The following RGS6 variants were observed in gnomAD, a reference collection of about 807,000 sequenced individuals.
RGS6 encodes the protein regulator of G-protein signaling 6.
In RGS6, 30 loss-of-function variants were observed where a neutral mutation model predicts 78.5. The observed-to-expected ratio is 0.38, with a 90% confidence interval of 0.29 to 0.52. RGS6 has a LOEUF of 0.52. Among genes scored for constraint, RGS6 ranks in the 20% least tolerant of loss-of-function variants. The pLI is 0.85. For missense variants in RGS6, 495 were observed against 609.7 expected (o/e 0.81, Z 1.98); for synonymous variants, 206 against 206.0 (o/e 1.00, Z 0.00).
intron 13 of RGS6, among the ~76,000 whole-genome samples, chr14:72,504,487 C>T (rs1421782636): frequency 6.6e-6 from 1 of 152,188 alleles, no homozygotes; most frequent in Admixed American, 6.5e-5. Flanking sequence ...CACTTTATAA[C>T]AAGGATCAAC....
intron 2 of RGS6, among the ~76,000 whole-genome samples, chr14:72,341,222 C>T (rs1405348615): frequency 1.3e-5 from 2 of 152,106 alleles, no homozygotes; most frequent in Non-Finnish European, 2.9e-5. Flanking sequence ...AGGACGAAGT[C>T]ATGTCTTACA....
chr14:72,178,440 G>A (rs1304795580), intron 2 of RGS6, among the ~76,000 whole-genome samples: 1 of 152,198 alleles, frequency 6.6e-6, no homozygotes, highest in East Asian at 1.9e-4. Flanking sequence ...GACGTTCTAG[G>A]CCTCCTTGAG....
intron 1 of RGS6, among the ~76,000 whole-genome samples, chr14:71,955,879 C>T (rs182662115): frequency 2.3e-4 from 35 of 152,224 alleles, no homozygotes; most frequent in Admixed American, 1.4e-3. Flanking sequence ...GTTCAAATTC[C>T]TCTGACAGAA....
intron 2 of RGS6, among the ~76,000 whole-genome samples, chr14:72,126,457 G>A (rs1467217161): frequency 6.6e-6 from 1 of 152,242 alleles, no homozygotes; most frequent in African/African-American, 2.4e-5. Flanking sequence ...GCTGTTTCCA[G>A]CATAGATGTC....
chr14:72,533,807 A>G (rs1479435448), intron 15 of RGS6, among the ~76,000 whole-genome samples: 1 of 152,384 alleles, frequency 6.6e-6, no homozygotes, highest in South Asian at 2.1e-4. Context: ...CTACAACTTC[A>G]TAATAAAACT....
At chr14:72,406,215 C>G (rs890710681) in intron 3 of RGS6, among the ~76,000 whole-genome samples, 2 of 152,076 alleles carry the variant, frequency 1.3e-5, no homozygotes, top group African/African-American at 4.8e-5. Context: ...TGAAACCCAT[C>G]TCTACTAAAA....
intron 2 of RGS6, among the ~76,000 whole-genome samples, chr14:72,158,547 T>C (rs951830387): frequency 6.6e-6 from 1 of 152,122 alleles, no homozygotes; most frequent in Non-Finnish European, 1.5e-5. Flanking sequence ...TTAAGGGGTA[T>C]TTCAAGACCC....
At chr14:72,569,454 C>T (rs907979038), downstream of RGS6, among the ~76,000 whole-genome samples, 1 of 152,016 alleles carries the variant, frequency 6.6e-6, no homozygotes, top group African/African-American at 2.4e-5. Flanking sequence ...CCGAGGTGGG[C>T]GGGTCACCTG....
At chr14:72,258,835 G>A (rs986715525) in intron 2 of RGS6, among the ~76,000 whole-genome samples, 4 of 152,174 alleles carry the variant, frequency 2.6e-5, no homozygotes, top group Admixed American at 1.3e-4. Context: ...GGATAAAAGC[G>A]GGGAAAGGGT....
At chr14:72,544,955 C>T (rs560892967) in intron 17 of RGS6, among the ~76,000 whole-genome samples, 7 of 152,212 alleles carry the variant, frequency 4.6e-5, no homozygotes, top group Non-Finnish European at 8.8e-5. Flanking sequence ...GTCAGCCAAC[C>T]GGCAGAAGCA....
intron 2 of RGS6, among the ~76,000 whole-genome samples, chr14:71,970,805 A>G (rs2093756356): frequency 6.6e-6 from 1 of 152,172 alleles, no homozygotes; most frequent in Non-Finnish European, 1.5e-5. Flanking sequence ...CAGTGTTGGT[A>G]GAAGCAACTG....
intron 2 of RGS6, among the ~76,000 whole-genome samples, chr14:72,254,365 T>G (rs1179399823): frequency 6.6e-6 from 1 of 152,202 alleles, no homozygotes; most frequent in African/African-American, 2.4e-5. Flanking sequence ...CCAGCCTGTC[T>G]GCAGCACTGT....
chr14:71,942,086 CAAAAG>C (rs1403332530), intron 1 of RGS6, among the ~76,000 whole-genome samples: 1 of 151,978 alleles, frequency 6.6e-6, no homozygotes, highest in Non-Finnish European at 1.5e-5. Context: ...GTAGTCAAGA[CAAAAG>C]AATAATCATC....
chr14:72,340,434 G>A (rs2076783849), intron 2 of RGS6, among the ~76,000 whole-genome samples: 1 of 152,162 alleles, frequency 6.6e-6, no homozygotes, highest in African/African-American at 2.4e-5. Context: ...TAGAATCACA[G>A]CCAGGTGCTC....
intron 12 of RGS6, among the ~76,000 whole-genome samples, chr14:72,492,819 A>G (rs1230596362): frequency 6.6e-6 from 1 of 152,198 alleles, no homozygotes; most frequent in South Asian, 2.1e-4. Context: ...GTTTTTGCAA[A>G]TAAAGTTTTA....
chr14:72,466,822 A>G (rs1330690745), intron 7 of RGS6, among the ~76,000 whole-genome samples: 1 of 152,228 alleles, frequency 6.6e-6, no homozygotes, highest in African/African-American at 2.4e-5. Flanking sequence ...AGACTTGTAC[A>G]AAAGGAAAAA....
chr14:72,520,444 CAT>C (rs1192315165), intron 15 of RGS6, among the ~76,000 whole-genome samples: 2 of 152,226 alleles, frequency 1.3e-5, no homozygotes, highest in African/African-American at 4.8e-5. Context: ...TCAGAAGGCA[CAT>C]GTCTAGCCAC....
chr14:72,016,051 T>A (rs2086890475), intron 2 of RGS6, among the ~76,000 whole-genome samples: 1 of 152,260 alleles, frequency 6.6e-6, no homozygotes, highest in Non-Finnish European at 1.5e-5. Context: ...CGTGCTAAAT[T>A]TTAATGTAAT....
intron 2 of RGS6, among the ~76,000 whole-genome samples, chr14:72,046,212 T>G (rs1348671738): frequency 6.6e-6 from 1 of 151,774 alleles, no homozygotes; most frequent in Admixed American, 6.6e-5. Flanking sequence ...GGGTTTTTTT[T>G]TTTTTTTTTT....
Sources: allele counts gnomAD v4.1 joint callset (sites outside exome capture counted in the v4.1 genomes callset), GRCh38; gene constraint gnomAD v4.1.1; transcripts MANE v1.5; gene names NCBI Gene and HGNC (gene_info 2026-07-23, HGNC 2026-07-21).